Variants in SLC14A2 observed in about 807,000 individuals in gnomAD.
SLC14A2 encodes solute carrier family 14 member 2, also known as urea transporter 2.
In SLC14A2, 91 loss-of-function variants were observed where a neutral mutation model predicts 104.6. That is an observed-to-expected ratio of 0.87 (90% confidence interval 0.73 to 1.04). The LOEUF is 1.04. Among genes scored for constraint, SLC14A2 ranks in the 50% least tolerant of loss-of-function variants. SLC14A2 has a pLI of 0.00. For missense variants in SLC14A2, 1,189 were observed against 1,156.0 expected, an observed-to-expected ratio of 1.03 and a Z score of -0.41; for synonymous variants, 476 against 466.4, an observed-to-expected ratio of 1.02 and a Z score of -0.27.
chr18:45,412,880 G>A (rs2086229146), intron 1 of SLC14A2, among the ~76,000 whole-genome samples: 1 of 152,160 alleles, frequency 6.6e-6, no homozygotes. Context: ...TAACTGAAGG[G>A]AATAGCTACT....
At chr18:45,473,171 A>C (rs1157528133) in intron 1 of SLC14A2, among the ~76,000 whole-genome samples, 1 of 152,206 alleles carries the variant, frequency 6.6e-6, no homozygotes, top group Non-Finnish European at 1.5e-5. Flanking sequence ...AGGTTTGTCA[A>C]AGATCAGATG....
intron 1 of SLC14A2, among the ~76,000 whole-genome samples, chr18:45,482,147 C>T (rs536675047): frequency 6.6e-6 from 1 of 152,296 alleles, no homozygotes; most frequent in Non-Finnish European, 1.5e-5. Flanking sequence ...AGCTATTTTA[C>T]TTCAAGGAAT....
At chr18:45,614,094 C>G (rs1343221633), upstream of SLC14A2, among the ~76,000 whole-genome samples, 2 of 152,212 alleles carry the variant, frequency 1.3e-5, no homozygotes, top group Non-Finnish European at 2.9e-5. Context: ...CCCTATGCAG[C>G]CTCGGGACTT....
rs2085053640 is a variant in SLC14A2, at chr18:45,309,189, A to G, written c.-125+95998A>G. On this transcript the variant is annotated intron_variant, in intron 1 of 20. Transcript: ENST00000586448. ...TCACATGGTCAGATGCTCCAAAATT[A>G]TAAAACCACCATCATGTCATTTGGA... Among the ~76,000 whole-genome samples the G allele has an allele frequency of 2.0e-5, 3 of 152,212 alleles. No homozygotes were observed. The South Asian group carries it at 6.2e-4, about 31-fold the overall frequency.
intron 10 of SLC14A2, among the ~76,000 whole-genome samples, chr18:45,653,137 G>A (rs1430235346): frequency 2.0e-5 from 3 of 151,986 alleles, no homozygotes; most frequent in Admixed American, 6.6e-5. Context: ...TGAAGGCTCC[G>A]TGTTAACCAG....
chr18:45,636,784 C>CA (rs369876380), intron 5 of SLC14A2, among the ~76,000 whole-genome samples: 4,474 of 143,616 alleles, frequency 0.031, 222 homozygotes, highest in African/African-American at 0.1. Context: ...AATAAATTGG[C>CA]AAAAAAAAAA....
intron 1 of SLC14A2, among the ~76,000 whole-genome samples, chr18:45,453,737 T>C (rs2086893050): frequency 6.6e-6 from 1 of 152,072 alleles, no homozygotes; most frequent in South Asian, 2.1e-4. Flanking sequence ...CCACATGAGG[T>C]AGGGACTCAA....
intron 1 of SLC14A2, among the ~76,000 whole-genome samples, chr18:45,268,846 G>T (rs1416609641): frequency 6.6e-6 from 1 of 152,070 alleles, no homozygotes; most frequent in Non-Finnish European, 1.5e-5. Context: ...AAAGTCTATT[G>T]TCCAGCAGGT....
At chr18:45,347,624 T>C (rs1055458505) in intron 1 of SLC14A2, among the ~76,000 whole-genome samples, 1 of 152,152 alleles carries the variant, frequency 6.6e-6, no homozygotes, top group Non-Finnish European at 1.5e-5. Context: ...TACCATCTGG[T>C]TATAATAACT....
chr18:45,403,626 C>T (rs1418869572), intron 1 of SLC14A2, among the ~76,000 whole-genome samples: 1 of 152,072 alleles, frequency 6.6e-6, no homozygotes, highest in Non-Finnish European at 1.5e-5. Flanking sequence ...TAATTGGATG[C>T]TCCATGGCCT....
At chr18:45,635,399 AAG>A (rs1207476810) in intron 5 of SLC14A2, among the ~76,000 whole-genome samples, 1 of 152,240 alleles carries the variant, frequency 6.6e-6, no homozygotes, top group Non-Finnish European at 1.5e-5. Context: ...AAACCATCAA[AAG>A]AGACTAAGAA....
intron 10 of SLC14A2, among the ~76,000 whole-genome samples, chr18:45,662,173 G>A (rs1272330717): frequency 6.6e-6 from 1 of 152,114 alleles, no homozygotes; most frequent in Non-Finnish European, 1.5e-5. Context: ...TGTGATGGTG[G>A]GCACCTGTAA....
At chr18:45,651,915 C>A (rs986030310) in intron 10 of SLC14A2, among the ~76,000 whole-genome samples, 4 of 152,218 alleles carry the variant, frequency 2.6e-5, no homozygotes, top group African/African-American at 9.7e-5. Context: ...CATTATTCAA[C>A]TCTCCTTGGC....
At chr18:45,576,584 C>G (rs181626239) in intron 2 of SLC14A2, among the ~76,000 whole-genome samples, 81 of 152,124 alleles carry the variant, frequency 5.3e-4, no homozygotes, top group Non-Finnish European at 9.7e-4. Context: ...GAGCAGGGGT[C>G]TTCTTAAAGG....
intron 1 of SLC14A2, among the ~76,000 whole-genome samples, chr18:45,297,689 G>A (rs530793278): frequency 7.9e-5 from 12 of 152,282 alleles, no homozygotes; most frequent in South Asian, 4.1e-4. Context: ...ACGTGAAGGC[G>A]CATGTTCTAA....
intron 1 of SLC14A2, among the ~76,000 whole-genome samples, chr18:45,456,717 G>A (rs1186574312): frequency 1.3e-5 from 2 of 151,412 alleles, no homozygotes; most frequent in Non-Finnish European, 2.9e-5. Context: ...AACCTTGAGA[G>A]AGTGGTGTTT....
chr18:45,542,318 A>C (rs896183992), intron 2 of SLC14A2: 1 of 151,906 alleles, frequency 6.6e-6, no homozygotes, highest in African/African-American at 2.4e-5. Flanking sequence ...ACTGCATCTC[A>C]AGGAATGGGC....
chr18:45,480,647 G>C (rs1215639344), intron 1 of SLC14A2, among the ~76,000 whole-genome samples: 1 of 152,152 alleles, frequency 6.6e-6, no homozygotes, highest in African/African-American at 2.4e-5. Flanking sequence ...CCAGAGCAGA[G>C]CTCCCCTTAC....
At chr18:45,261,505 C>G (rs2084537511) in intron 1 of SLC14A2, among the ~76,000 whole-genome samples, 1 of 151,618 alleles carries the variant, frequency 6.6e-6, no homozygotes, top group Non-Finnish European at 1.5e-5. Flanking sequence ...TGTGCTGCAC[C>G]CATTAACTCG....
Sources: allele counts gnomAD v4.1 joint callset (sites outside exome capture counted in the v4.1 genomes callset), GRCh38; gene constraint gnomAD v4.1.1; transcripts MANE v1.5; gene names NCBI Gene and HGNC (gene_info 2026-07-23, HGNC 2026-07-21).